The following CD109 variants were observed in gnomAD, a reference collection of about 807,000 sequenced individuals.
The protein encoded by CD109 is CD109 antigen.
In CD109, 149 loss-of-function variants were observed where a neutral mutation model predicts 165.8. That is an observed-to-expected ratio of 0.90 (90% CI 0.79 to 1.03). The LOEUF is 1.03. Ranked by LOEUF, CD109 falls within the 50% of genes least tolerant of loss-of-function variation. The pLI, the probability that CD109 is intolerant of heterozygous loss-of-function variation, is 0.00. For synonymous variants in CD109, 585 were observed against 592.1 expected (o/e 0.99, Z 0.18); for missense variants, 1,712 against 1,677.8 (o/e 1.02, Z -0.36).
intron 5 of CD109, 69 bp from the exon 6 acceptor site, chr6:73,756,574 T>C (rs1773399385): frequency 9.7e-7 from 1 of 1,027,952 alleles, no homozygotes; most frequent in Non-Finnish European, 1.4e-6. Flanking sequence ...TTTATGCAAG[T>C]AAGTAAGCAA....
chr6:73,728,019 G>A (rs142678472), intron 3 of CD109, among the ~76,000 whole-genome samples: 61 of 152,100 alleles, frequency 4.0e-4, no homozygotes, highest in African/African-American at 1.4e-3. Flanking sequence ...CACAAAGGGT[G>A]CTCAATAAAT....
intron 5 of CD109, among the ~76,000 whole-genome samples, chr6:73,755,868 G>A (rs9359042): frequency 0.039 from 5,872 of 152,156 alleles, 457 homozygotes; most frequent in East Asian, 0.3. Flanking sequence ...GGCTGAGGCA[G>A]GAGAATCGCT....
intron 23 of CD109, among the ~76,000 whole-genome samples, chr6:73,797,906 T>C (rs1008278611): frequency 1.1e-4 from 16 of 152,176 alleles, no homozygotes; most frequent in African/African-American, 3.6e-4. Context: ...GTTCTGAGCA[T>C]ATGATTACTT....
At chr6:73,782,534 A>G (rs1774544834) in intron 17 of CD109, 80 bp from the exon 18 acceptor site, 3 of 1,356,888 alleles carry the variant, frequency 2.2e-6, no homozygotes, top group Non-Finnish European at 3.1e-6. Context: ...CAAGTGATTG[A>G]CATTCATTTT....
chr6:73,732,950 CT>C (rs1200983111), intron 4 of CD109, among the ~76,000 whole-genome samples: 3 of 152,172 alleles, frequency 2.0e-5, no homozygotes, highest in Non-Finnish European at 2.9e-5. Context: ...AAAATTCTAC[CT>C]GGAACCCAAA....
intron 5 of CD109, among the ~76,000 whole-genome samples, chr6:73,754,354 A>G (rs937211778): frequency 2.0e-5 from 3 of 152,166 alleles, no homozygotes; most frequent in African/African-American, 7.2e-5. Context: ...AAAGGAAACA[A>G]GGAAGGGGTC....
At chr6:73,710,579 A>G (rs1251718844) in intron 2 of CD109, among the ~76,000 whole-genome samples, 1 of 152,096 alleles carries the variant, frequency 6.6e-6, no homozygotes, top group Non-Finnish European at 1.5e-5. Flanking sequence ...TGCTTGGTAC[A>G]TAGAAGACAC....
chr6:73,753,668 G>C (rs572129266), intron 5 of CD109, among the ~76,000 whole-genome samples: 9 of 152,264 alleles, frequency 5.9e-5, no homozygotes, highest in African/African-American at 2.2e-4. Flanking sequence ...TTCTTCCTTT[G>C]TGTTCTTCAT....
intron 15 of CD109, among the ~76,000 whole-genome samples, chr6:73,779,569 C>T (rs137918248): frequency 5.9e-5 from 9 of 152,162 alleles, no homozygotes; most frequent in East Asian, 1.9e-4. Flanking sequence ...TTTCTTTTTA[C>T]GGCTGAATAA....
intron 17 of CD109, among the ~76,000 whole-genome samples, chr6:73,781,812 CGCAG>C (rs1774516226): frequency 2.0e-5 from 3 of 147,700 alleles, no homozygotes; most frequent in South Asian, 2.2e-4. Context: ...TAGACACACA[CGCAG>C]ACACACACAC....
At chr6:73,695,247 C>T (rs1770777149), upstream of CD109, 1 of 152,162 alleles carries the variant, frequency 6.6e-6, no homozygotes, top group Admixed American at 6.5e-5. Flanking sequence ...ATGGTGTAGT[C>T]ATGGTGAAAC....
chr6:73,775,584 A>G (rs912259520), intron 15 of CD109, among the ~76,000 whole-genome samples: 3 of 152,118 alleles, frequency 2.0e-5, no homozygotes, highest in Non-Finnish European at 4.4e-5. Context: ...ACCTTGTGTC[A>G]TAGGGGTTTG....
In CD109 at chr6:73,823,560, G is replaced by C; in HGVS notation, c.4265G>C (p.Gly1422Ala). Reference sequence around the variant, plus strand: ...CGTCCTTGTGAGGATGGAGCTTCAGGCTCCCATCATCACTCTTCAGTCATT... The same window carrying C: ...CGTCCTTGTGAGGATGGAGCTTCAGCCTCCCATCATCACTCTTCAGTCATT... ...GCRPCEDGASGSHHHSSVIFI... is the reference protein window; with the variant it reads ...GCRPCEDGASASHHHSSVIFI... Residue 1422 changes from glycine (G) to alanine (A), a missense_variant, in exon 33 of 33, where the codon GGC becomes GCC. Coordinates refer to ENST00000287097, the MANE Select transcript of CD109 (RefSeq NM_133493.5). 1 of 1,613,752 alleles carries C rather than the reference G, an allele frequency of 6.2e-7. No homozygotes were observed. The highest frequency in any genetic ancestry group is 8.5e-7 in the Non-Finnish European group (1 of 1,179,858).
chr6:73,690,987 C>G (rs117188418), upstream of CD109, among the ~76,000 whole-genome samples: 38 of 152,168 alleles, frequency 2.5e-4, no homozygotes, highest in East Asian at 6.4e-3. Context: ...CTCTACCTGA[C>G]CTCTCACCCC....
At position 73,825,232 on chromosome 6, in the gene CD109, G is replaced by A. The variant is rs1181590691; in HGVS notation, c.*1599G>A. 1 of 152,192 alleles carries A rather than the reference G, an allele frequency of 6.6e-6. No individual in the cohort carries two copies. Among genetic ancestry groups the A allele is most frequent in the Non-Finnish European group, 1.5e-5 (1 of 68,034 alleles). The allele number at this position is 152,192 out of a possible 1,614,324, so 9.4% of individuals were successfully genotyped here. The stretch of plus-strand genomic sequence containing the variant: ...TACATAGAAAATAGATCCCCAGACA[G>A]TGGTCTATGAAGAGGGCAGTTAAGT... On this transcript the variant is annotated 3_prime_UTR_variant, in exon 33 of 33. Coordinates refer to ENST00000287097, the MANE Select transcript of CD109 (RefSeq NM_133493.5).
At chr6:73,689,281 G>T in the CD109 span, among the ~76,000 whole-genome samples, 1 of 152,182 alleles carries the variant, frequency 6.6e-6, no homozygotes, top group East Asian at 1.9e-4. Flanking sequence ...TGGATCAGAA[G>T]CACAGGTCAC....
rs752391813 is a variant in CD109 at position 73,811,080 on chromosome 6, C to T, written c.3635C>T (p.Pro1212Leu). Residue 1212 changes from proline to leucine, a missense_variant, in exon 28 of 33, where the codon CCT becomes CTT. Coordinates refer to ENST00000287097, the MANE Select transcript of CD109 (RefSeq NM_133493.5). ...AATATCCAAGTGACCGTGACGGGGC[C>T]TAGCTCACCAAGTCCTGTAAAGTTT... is the stretch of plus-strand genomic sequence containing the variant. ...RTNIQVTVTG[P>L]SSPSPVKFLI... 1 of 1,613,456 alleles carries T rather than the reference C, an allele frequency of 6.2e-7. No homozygotes were observed. Among genetic ancestry groups the T allele is most frequent in the Admixed American group, 1.7e-5 (1 of 59,896 alleles).
chr6:73,794,924 G>A (rs541323232), intron 23 of CD109, among the ~76,000 whole-genome samples: 1 of 151,374 alleles, frequency 6.6e-6, no homozygotes, highest in South Asian at 2.1e-4. Flanking sequence ...AATAACCTTT[G>A]TCAAATTTTA....
At chr6:73,771,616 T>C (rs1774038558) in intron 15 of CD109, 35 bp downstream of exon 15, 1 of 1,440,322 alleles carries the variant, frequency 6.9e-7, no homozygotes, top group African/African-American at 1.5e-5. Flanking sequence ...TGAAAATATG[T>C]ATTACAAGAG....
Sources: gnomAD v4.1 joint callset for allele counts (sites outside exome capture counted in the v4.1 genomes callset) on GRCh38, gnomAD v4.1.1 for gene constraint, MANE v1.5 for transcripts, NCBI Gene and HGNC (gene_info 2026-07-23, HGNC 2026-07-21) for gene names.